Variants in CHGA observed in about 807,000 individuals in gnomAD.
CHGA encodes the protein chromogranin-A.
A neutral mutation model predicts 54.4 loss-of-function variants in CHGA; 41 were observed. That is an observed-to-expected ratio of 0.75 (90% CI 0.59 to 0.98). The LOEUF (loss-of-function observed/expected upper bound fraction) is 0.98. CHGA is among the 50% of genes least tolerant of loss of function. CHGA has a pLI of 0.00. For synonymous variants in CHGA, 249 were observed against 232.8 expected (o/e 1.07, Z -0.63); for missense variants, 576 against 582.3 (o/e 0.99, Z 0.11).
Position 92,935,004 on chromosome 14 carries a change from G to A in CHGA, c.*120G>A. The A allele has an allele frequency of 1.2e-6, 1 of 831,336 alleles. No individual in the cohort carries two copies. The highest frequency in any genetic ancestry group is 1.8e-6 in the Non-Finnish European group (1 of 555,096). The allele number at this position is 831,336 out of a possible 1,614,324, so 51.5% of individuals were successfully genotyped here. On this transcript the variant is annotated 3_prime_UTR_variant, in exon 8 of 8. Transcript: ENST00000216492. ...CCGGTAGGGAGGCAGCCTCCAGCCT[G>A]CCCAAGCCCAGGCCACCCTATCGCC...
At chr14:92,934,465 G>A (rs1887076159) in intron 7 of CHGA, among the ~76,000 whole-genome samples, 1 of 152,176 alleles carries the variant, frequency 6.6e-6, no homozygotes, top group South Asian at 2.1e-4. Context: ...CCGAGGGAAG[G>A]GGGCTCTTCA....
chr14:92,928,052 A>C (rs1232067946), intron 4 of CHGA, among the ~76,000 whole-genome samples: 1 of 152,226 alleles, frequency 6.6e-6, no homozygotes, highest in Non-Finnish European at 1.5e-5. Flanking sequence ...GCTTGATGCA[A>C]AGCACGGCCC....
At chr14:92,931,742 A>G (rs758407977) in intron 6 of CHGA, 40 bp downstream of exon 6, 2 of 1,522,060 alleles carry the variant, frequency 1.3e-6, no homozygotes, top group Middle Eastern at 1.8e-4. Flanking sequence ...CGTGTCTGGG[A>G]GAGGGGGATG....
intron 3 of CHGA, among the ~76,000 whole-genome samples, chr14:92,927,082 G>A (rs967365895): frequency 6.6e-6 from 1 of 152,236 alleles, no homozygotes; most frequent in African/African-American, 2.4e-5. Flanking sequence ...GGAATGTTAT[G>A]GGTGGACAGG....
At chr14:92,923,589 A>G (rs1443196235) in intron 1 of CHGA, among the ~76,000 whole-genome samples, 184 bp downstream of exon 1, 3 of 152,126 alleles carry the variant, frequency 2.0e-5, no homozygotes, top group East Asian at 3.9e-4. Context: ...CCTGGGACCC[A>G]CAAGACACTT....
At position 92,932,313 on chromosome 14, in the gene CHGA, C is replaced by A; in HGVS notation, c.809-57C>A. 6.6e-7 allele frequency: 1 copy of A among 1,505,048 alleles called. No homozygotes were observed. The highest frequency in any genetic ancestry group is 8.9e-7 in the Non-Finnish European group (1 of 1,123,804). 93.2% of individuals were successfully genotyped at this position (1,505,048 alleles called of 1,614,324 possible). ...AGAGGCCCCCAGGGAGTGGCAGAGACTGGGAAAATGGTGGTCCCCCACCCA... is the reference window on the plus strand; with the variant it reads ...AGAGGCCCCCAGGGAGTGGCAGAGAATGGGAAAATGGTGGTCCCCCACCCA... On this transcript the variant is annotated intron_variant, in intron 6 of 7. Coordinates refer to ENST00000216492, the MANE Select transcript of CHGA (RefSeq NM_001275.4). This position sits in a 1 kb window ranked among gnomAD's most constrained non-coding sequence, Gnocchi z 5.3.
Position 92,931,385 on chromosome 14 carries a change from AG to A in CHGA, c.495del (p.Asn166ThrfsTer52), listed in dbSNP as rs1189738265. The A allele has an allele frequency of 6.2e-6, 10 of 1,612,956 alleles. No individual in the cohort carries two copies. Among genetic ancestry groups the A allele is most frequent in the Non-Finnish European group, 8.5e-6 (10 of 1,179,804 alleles). ...LPEPMQESKA[E>X]GNNQAPGEEE... ...GAGCCCATGCAGGAGTCCAAGGCTG[AG>A]GGGAACAATCAGGCCCCTGGGGAGG... On this transcript the variant is annotated frameshift_variant, in exon 6 of 8. Transcript: ENST00000216492. LOFTEE classifies it high-confidence loss of function.
At chr14:92,927,199 T>G (rs1319765475) in intron 3 of CHGA, among the ~76,000 whole-genome samples, 1 of 151,912 alleles carries the variant, frequency 6.6e-6, no homozygotes, top group African/African-American at 2.4e-5. Context: ...AACCGATGAG[T>G]GGAAAAATGA....
Position 92,931,578 on chromosome 14 carries a change from AGAGGAG to A in CHGA, c.704_709del (p.Glu235_Glu236del), listed in dbSNP as rs371215355. On this transcript the variant is annotated inframe_deletion, in exon 6 of 8. Transcript: ENST00000216492. Reference sequence around the variant, plus strand: ...AGCCAGGGTGGCAGGCAAAGAGAGAAGAGGAGGAGGAGGAGGAGGAGGAGGCTGAGG... The same window carrying A: ...AGCCAGGGTGGCAGGCAAAGAGAGAAGAGGAGGAGGAGGAGGAGGCTGAGG... 55 of 1,610,596 alleles carry A rather than the reference AGAGGAG, an allele frequency of 3.4e-5. 2 individuals are homozygous for A. Among genetic ancestry groups the A allele is most frequent in the South Asian group, 1.7e-4 (15 of 90,796 alleles).
intron 4 of CHGA, 82 bp downstream of exon 4, chr14:92,927,700 T>C: frequency 8.9e-7 from 1 of 1,121,584 alleles, no homozygotes. Context: ...TTCAGCAAGT[T>C]CCTCTCTGGG....
rs1886993802 is a variant in CHGA, at chr14:92,931,451, C to T, written c.557C>T (p.Pro186Leu). Reference sequence around the variant, plus strand: ...GAGGAGGCCACCAACACCCACCCTCCAGCCAGCCTCCCCAGCCAGAAATAC... The same window carrying T: ...GAGGAGGCCACCAACACCCACCCTCTAGCCAGCCTCCCCAGCCAGAAATAC... ...EEEEATNTHP[P>L]ASLPSQKYPG... The change falls in exon 6 of 8, where the codon CCA (proline) becomes CTA (leucine). Residue 186 changes from proline to leucine, a missense_variant. By Grantham distance (98) the Pro-to-Leu change is moderately conservative. Transcript: ENST00000216492. 1 of 1,609,366 alleles carries T rather than the reference C, an allele frequency of 6.2e-7. No individual in the cohort carries two copies. The highest frequency in any genetic ancestry group is 1.7e-4 in the Middle Eastern group (1 of 6,008).
chr14:92,934,302 A>G (rs1887072765), intron 7 of CHGA, among the ~76,000 whole-genome samples: 2 of 152,196 alleles, frequency 1.3e-5, no homozygotes, highest in South Asian at 4.1e-4. Flanking sequence ...CCAGGGATCA[A>G]AGCCCAGCCC....
At position 92,932,789 on chromosome 14, in the gene CHGA, C is replaced by T. The variant is rs1887037635; in HGVS notation, c.1228C>T (p.Gln410Ter). ...CAGCCTTGAGGCGGGCCTGCCCCTC[C>T]AGGTCCGAGGCTACCCCGAGGAGAA... is the stretch of plus-strand genomic sequence containing the variant. ...EDSLEAGLPL[Q>*]VRGYPEEKKE... The change falls in exon 7 of 8, where the codon CAG (glutamine) becomes TAG (stop). Residue 410 changes from glutamine (Q) to a stop codon, truncating the protein, a stop_gained. Transcript: ENST00000216492. LOFTEE classifies it high-confidence loss of function. This position sits in a 1 kb window ranked among gnomAD's most constrained non-coding sequence, Gnocchi z 5.3. 6.3e-7 allele frequency: 1 copy of T among 1,579,194 alleles called. No homozygotes were observed. Among genetic ancestry groups the T allele is most frequent in the East Asian group, 2.3e-5 (1 of 44,000 alleles).
Position 92,932,719 on chromosome 14 carries a change from T to C in CHGA, c.1158T>C (p.Pro386=). ...FRARAYGFRG[P]GPQLRRGWRP... ...CCCGGGCCTACGGCTTCAGGGGCCC[T>C]GGGCCGCAGCTGCGACGAGGCTGGA... Residue 386 remains proline (P), a synonymous_variant, in exon 7 of 8, where the codon CCT becomes CCC. Transcript: ENST00000216492. This position sits in a 1 kb window ranked among gnomAD's most constrained non-coding sequence, Gnocchi z 5.3. 1 of 1,610,886 alleles carries C rather than the reference T, an allele frequency of 6.2e-7. No individual in the cohort carries two copies. The highest frequency in any genetic ancestry group is 1.7e-4 in the Middle Eastern group (1 of 6,012).
rs199660196 is a variant in CHGA, at chr14:92,932,252, G to A, written c.809-118G>A. On this transcript the variant is annotated intron_variant, in intron 6 of 7. Coordinates refer to ENST00000216492, the MANE Select transcript of CHGA (RefSeq NM_001275.4). This position sits in a 1 kb window ranked among gnomAD's most constrained non-coding sequence, Gnocchi z 5.3. Reference sequence around the variant, plus strand: ...ATCAAGAAGGTTTTTCCCGCTAAGCGTCATCACTGTGGAGAGGCTGGGCTG... The same window carrying A: ...ATCAAGAAGGTTTTTCCCGCTAAGCATCATCACTGTGGAGAGGCTGGGCTG... The A allele has an allele frequency of 6.9e-5, 95 of 1,374,696 alleles. No individual in the cohort carries two copies. The East Asian group carries it at 1.1e-3, about 16-fold the overall frequency. The allele number at this position is 1,374,696 out of a possible 1,614,324, so 85.2% of individuals were successfully genotyped here.
Position 92,927,576 on chromosome 14 carries a change from C to A in CHGA, c.214C>A (p.His72Asn), listed in dbSNP as rs1886911554. The change falls in exon 4 of 8, where the codon CAT becomes AAT. Residue 72 changes from histidine (H) to asparagine (N), a missense_variant. His to Asn is a moderately conservative substitution (Grantham distance 68). Transcript: ENST00000216492. ...TGAACGGATCCTTTCCATTCTGAGA[C>A]ATCAGAATTTACTGAAGGAGCTCCA... Reference protein sequence around the residue: ...GDERILSILRHQNLLKELQDL... With the variant: ...GDERILSILRNQNLLKELQDL... The A allele has an allele frequency of 1.2e-6, 2 of 1,613,554 alleles. No individual in the cohort carries two copies. The highest frequency in any genetic ancestry group is 2.7e-5 in the African/African-American group (2 of 74,890).
chr14:92,931,337 G>T lies in CHGA; in HGVS notation c.443G>T (p.Gly148Val). ...GAGAAAAGTGGTGAAGCCACAGACG[G>T]AGCCAGGCCCCAGGCCCTCCCGGAG... ...EAEKSGEATD[G>V]ARPQALPEPM... Residue 148 changes from glycine (G) to valine (V), a missense_variant, in exon 6 of 8, where the codon GGA becomes GTA. Coordinates refer to ENST00000216492, the MANE Select transcript of CHGA (RefSeq NM_001275.4). 6.2e-7 allele frequency: 1 copy of T among 1,613,742 alleles called. No homozygotes were observed. Among genetic ancestry groups the T allele is most frequent in the Non-Finnish European group, 8.5e-7 (1 of 1,179,992 alleles).
In CHGA at chr14:92,932,531, G is replaced by C; in HGVS notation, c.970G>C (p.Glu324Gln). The C allele has an allele frequency of 1.3e-6, 2 of 1,554,138 alleles. No individual in the cohort carries two copies. The highest frequency in any genetic ancestry group is 2.7e-5 in the African/African-American group (2 of 73,474). ...QGLFRGGKSG[E>Q]LEQEEERLSK... ...CCTCTTCCGGGGTGGGAAGAGCGGAGAGCTGGAGCAGGAGGAGGAGCGGCT... is the reference window on the plus strand; with the variant it reads ...CCTCTTCCGGGGTGGGAAGAGCGGACAGCTGGAGCAGGAGGAGGAGCGGCT... The change falls in exon 7 of 8, where the codon GAG becomes CAG. Residue 324 changes from glutamate (E) to glutamine (Q), a missense_variant. Transcript: ENST00000216492. This position sits in a 1 kb window ranked among gnomAD's most constrained non-coding sequence, Gnocchi z 5.3.
chr14:92,927,765 G>A, intron 4 of CHGA, 147 bp downstream of exon 4: 1 of 685,714 alleles, frequency 1.5e-6, no homozygotes, highest in South Asian at 1.8e-5. Context: ...CGTGCCACCT[G>A]GCTCAATCTG....
Sources: allele counts gnomAD v4.1 joint callset (sites outside exome capture counted in the v4.1 genomes callset), GRCh38; gene constraint gnomAD v4.1.1; non-coding constraint Gnocchi (gnomAD v3.1); transcripts MANE v1.5; gene names NCBI Gene and HGNC (gene_info 2026-07-23, HGNC 2026-07-21).